SNX18: variants seen among roughly 807,000 people sequenced by gnomAD.
SNX18 encodes the protein sorting nexin 18, also known as sorting nexin-18.
SNX18 carries 35 observed loss-of-function variants against 48.7 expected under a neutral mutation model. That is an observed-to-expected ratio of 0.72 (90% CI 0.55 to 0.95). SNX18 has a LOEUF of 0.95. SNX18 is among the 40% of genes least tolerant of loss of function. The pLI is 0.00. For missense variants in SNX18, 824 were observed against 871.0 expected, an observed-to-expected ratio of 0.95 and a Z score of 0.68; for synonymous variants, 492 against 384.7, an observed-to-expected ratio of 1.28 and a Z score of -3.26.
chr5:54,529,481 G>T (rs1396594801), intron 1 of SNX18, among the ~76,000 whole-genome samples: 1 of 152,170 alleles, frequency 6.6e-6, no homozygotes, highest in African/African-American at 2.4e-5. Context: ...GACCTGCAAA[G>T]CCTAAAATGC....
the SNX18 span, among the ~76,000 whole-genome samples, chr5:54,555,537 G>A: frequency 2.0e-5 from 3 of 152,092 alleles, no homozygotes; most frequent in African/African-American, 7.2e-5. Flanking sequence ...TAGATTTACT[G>A]TAAGAATGAA....
chr5:54,573,358 T>C, the SNX18 span, among the ~76,000 whole-genome samples: 635 of 152,276 alleles, frequency 4.2e-3, 3 homozygotes, highest in African/African-American at 0.015. Context: ...CCCTGAATTC[T>C]TTCTTGCGCG....
rs769958200 is a variant in SNX18 at position 54,518,296 on chromosome 5, C to T, written c.344C>T (p.Pro115Leu). 4.6e-6 allele frequency: 7 copies of T among 1,512,836 alleles called. No homozygotes were observed. In the East Asian group the frequency reaches 1.1e-4, roughly 24 times the overall value. The allele number at this position is 1,512,836 out of a possible 1,614,324, so 93.7% of individuals were successfully genotyped here. ...QALLQPQQAP[P>L]PSTFQPPGAG... is the part of the protein sequence containing the mutation. ...CTGCTGCAGCCACAGCAGGCGCCGC[C>T]TCCGAGCACCTTCCAGCCGCCCGGC... The change falls in exon 1 of 2, where the codon CCT (proline) becomes CTT (leucine). Residue 115 changes from proline to leucine, a missense_variant. Around this residue, in one of 3 missense-constraint regions of SNX18, gnomAD observed 377 missense variants for 350.6 expected, o/e 1.08. Coordinates refer to ENST00000381410, the MANE Select transcript of SNX18 (RefSeq NM_001102575.2).
At chr5:54,584,911 G>A in the SNX18 span, among the ~76,000 whole-genome samples, 8 of 152,194 alleles carry the variant, frequency 5.3e-5, no homozygotes, top group African/African-American at 1.9e-4. Context: ...GACAGGCCAT[G>A]CTGGTTGGCC....
the SNX18 span, among the ~76,000 whole-genome samples, chr5:54,583,214 C>T: frequency 6.6e-6 from 1 of 152,190 alleles, no homozygotes; most frequent in Non-Finnish European, 1.5e-5. Context: ...TTGGATCAAG[C>T]AACCCTCCCA....
chr5:54,575,049 C>A, the SNX18 span, among the ~76,000 whole-genome samples: 2 of 152,152 alleles, frequency 1.3e-5, no homozygotes, highest in African/African-American at 2.4e-5. Context: ...TTCCTGTCAA[C>A]CTTCTGACTG....
the SNX18 span, chr5:54,643,665 G>A: frequency 6.6e-6 from 1 of 152,186 alleles, no homozygotes; most frequent in African/African-American, 2.4e-5. Context: ...GAGAACGGAA[G>A]GAAAACAAAC....
At chr5:54,540,173 A>C (rs184617790) in intron 1 of SNX18, among the ~76,000 whole-genome samples, 171 of 151,902 alleles carry the variant, frequency 1.1e-3, no homozygotes, top group African/African-American at 4.0e-3. Flanking sequence ...TGGAAAATGT[A>C]TGCTGATTTA....
the SNX18 span, among the ~76,000 whole-genome samples, chr5:54,642,265 T>C: frequency 1.3e-5 from 2 of 152,244 alleles, no homozygotes; most frequent in African/African-American, 2.4e-5. Flanking sequence ...CAGAGTTCGA[T>C]TTACAAAATA....
intron 1 of SNX18, among the ~76,000 whole-genome samples, chr5:54,525,199 T>C (rs2112841479): frequency 6.6e-6 from 1 of 152,370 alleles, no homozygotes; most frequent in East Asian, 1.9e-4. Context: ...TAGTTCATAG[T>C]AGCTAGTCAC....
chr5:54,519,632 G>C, intron 1 of SNX18, 59 bp downstream of exon 1: 2 of 1,614,176 alleles, frequency 1.2e-6, no homozygotes, highest in Non-Finnish European at 1.7e-6. Context: ...TGAAAGGGGC[G>C]ACTTTGACAG....
the SNX18 span, among the ~76,000 whole-genome samples, chr5:54,570,832 T>TA: frequency 6.6e-6 from 1 of 152,262 alleles, no homozygotes; most frequent in Non-Finnish European, 1.5e-5. Context: ...AAAGAACAGT[T>TA]AAAAACTTCA....
chr5:54,616,120 C>T, the SNX18 span, among the ~76,000 whole-genome samples: 6 of 152,178 alleles, frequency 3.9e-5, no homozygotes, highest in Admixed American at 1.3e-4. Context: ...ATATGAACCA[C>T]TTTTTTGCTT....
downstream of SNX18, among the ~76,000 whole-genome samples, chr5:54,546,754 A>G (rs2111628119): frequency 6.6e-6 from 1 of 152,354 alleles, no homozygotes; most frequent in East Asian, 1.9e-4. Context: ...ATTTAAAACC[A>G]TCATCATTCA....
intron 1 of SNX18, among the ~76,000 whole-genome samples, chr5:54,527,364 G>GT (rs1264601571): frequency 1.3e-5 from 2 of 151,536 alleles, no homozygotes; most frequent in African/African-American, 2.4e-5. Context: ...GAGCCGGGGG[G>GT]GGGGGTCCCC....
chr5:54,518,771 C>G lies in SNX18; in HGVS notation c.819C>G (p.Pro273=). The G allele has an allele frequency of 6.2e-7, 1 of 1,606,602 alleles. No homozygotes were observed. The highest frequency in any genetic ancestry group is 8.5e-7 in the Non-Finnish European group (1 of 1,175,974). ...ATGGCCCCGAGTGGCAGGAGAACCC[C>G]TACCCGTTCCAGTGCACCATCGACG... The part of the protein sequence containing the change: ...GPYGPEWQEN[P]YPFQCTIDDP... The change falls in exon 1 of 2, where the codon CCC becomes CCG. Residue 273 remains proline, a synonymous_variant. Coordinates refer to ENST00000381410, the MANE Select transcript of SNX18 (RefSeq NM_001102575.2).
At chr5:54,562,396 A>G in the SNX18 span, among the ~76,000 whole-genome samples, 1 of 152,230 alleles carries the variant, frequency 6.6e-6, no homozygotes, top group Non-Finnish European at 1.5e-5. Flanking sequence ...AAGGAATGGT[A>G]AGAAAAGGGA....
the SNX18 span, among the ~76,000 whole-genome samples, chr5:54,577,545 G>A: frequency 9.2e-5 from 14 of 152,088 alleles, no homozygotes; most frequent in Admixed American, 7.2e-4. Context: ...GAGAGTTTAC[G>A]CAACTTGCCC....
intron 1 of SNX18, chr5:54,519,781 A>G (rs1423824469): frequency 9.3e-6 from 15 of 1,613,934 alleles, no homozygotes; most frequent in Non-Finnish European, 1.3e-5. Flanking sequence ...GCATTAGGGA[A>G]TGAGTACTCT....
Sources: allele counts gnomAD v4.1 joint callset (sites outside exome capture counted in the v4.1 genomes callset), GRCh38; gene constraint gnomAD v4.1.1; regional missense constraint gnomAD v4.1.1; transcripts MANE v1.5; gene names NCBI Gene and HGNC (gene_info 2026-07-23, HGNC 2026-07-21).